The following SGCZ variants were observed in gnomAD, a reference collection of about 807,000 sequenced individuals.
SGCZ encodes sarcoglycan zeta.
SGCZ carries 40 observed loss-of-function variants against 41.3 expected under a neutral mutation model. That is an observed-to-expected ratio of 0.97 (90% CI 0.75 to 1.26). SGCZ has a LOEUF of 1.26. Among genes scored for constraint, SGCZ ranks in the 50% most tolerant of loss-of-function variants. The pLI is 0.00. For missense variants in SGCZ, 552 were observed against 369.8 expected (o/e 1.49, Z -4.04); for synonymous variants, 206 against 137.5 (o/e 1.50, Z -3.49).
At chr8:14,967,411 C>A (rs1801157722) in intron 1 of SGCZ, among the ~76,000 whole-genome samples, 1 of 152,124 alleles carries the variant, frequency 6.6e-6, no homozygotes, top group Non-Finnish European at 1.5e-5. Context: ...TTCATGCTCA[C>A]TCTACTTTTT....
intron 1 of SGCZ, among the ~76,000 whole-genome samples, chr8:15,178,798 G>C (rs529332433): frequency 8.2e-6 from 1 of 122,254 alleles, no homozygotes; most frequent in South Asian, 2.5e-4. Flanking sequence ...GAAGTGCAGG[G>C]AAGGAAAAAA....
At chr8:14,091,872 T>A (rs142257961) in intron 7 of SGCZ, among the ~76,000 whole-genome samples, 254 of 152,172 alleles carry the variant, frequency 1.7e-3, no homozygotes, top group African/African-American at 5.8e-3. Flanking sequence ...GGTGTGTTAG[T>A]CATGAAGTCT....
chr8:14,325,848 T>C (rs1273114292), intron 2 of SGCZ, among the ~76,000 whole-genome samples: 3 of 144,768 alleles, frequency 2.1e-5, no homozygotes, highest in Admixed American at 7.1e-5. Context: ...CGGTGGCTCA[T>C]GCCTGTAAAA....
At chr8:15,030,827 CAGA>C (rs1376230772) in intron 1 of SGCZ, among the ~76,000 whole-genome samples, 1 of 152,042 alleles carries the variant, frequency 6.6e-6, no homozygotes, top group East Asian at 1.9e-4. Flanking sequence ...CAGGGCTTCC[CAGA>C]AGAAGGGCTA....
intron 1 of SGCZ, among the ~76,000 whole-genome samples, chr8:14,756,770 A>T (rs1799682997): frequency 6.6e-6 from 1 of 152,202 alleles, no homozygotes; most frequent in Admixed American, 6.5e-5. Context: ...AGACATTATT[A>T]ATACAATTGT....
intron 2 of SGCZ, among the ~76,000 whole-genome samples, chr8:14,390,576 T>A (rs577854274): frequency 2.0e-5 from 3 of 152,016 alleles, no homozygotes; most frequent in Middle Eastern, 3.4e-3. Context: ...AAAATTTTTT[T>A]AAAAACAATA....
At chr8:14,988,098 G>T (rs1378208626) in intron 1 of SGCZ, among the ~76,000 whole-genome samples, 1 of 151,980 alleles carries the variant, frequency 6.6e-6, no homozygotes, top group Non-Finnish European at 1.5e-5. Context: ...TTCCAGGAGT[G>T]AAATGGTGAT....
At chr8:14,455,715 G>C (rs1271754398) in intron 2 of SGCZ, among the ~76,000 whole-genome samples, 2 of 152,170 alleles carry the variant, frequency 1.3e-5, no homozygotes, top group Non-Finnish European at 1.5e-5. Flanking sequence ...CCATACTTAG[G>C]AAAGTGGTTG....
intron 1 of SGCZ, among the ~76,000 whole-genome samples, chr8:15,022,821 T>C (rs755987446): frequency 6.6e-6 from 1 of 152,240 alleles, no homozygotes; most frequent in African/African-American, 2.4e-5. Context: ...TACTTGACAT[T>C]CAAATAGTCT....
At chr8:15,061,024 T>G (rs1314353252) in intron 1 of SGCZ, among the ~76,000 whole-genome samples, 1 of 152,138 alleles carries the variant, frequency 6.6e-6, no homozygotes, top group African/African-American at 2.4e-5. Flanking sequence ...TGGGATTTCT[T>G]CCACACATTT....
At chr8:15,191,689 G>A (rs868497470) in intron 1 of SGCZ, among the ~76,000 whole-genome samples, 28 of 151,914 alleles carry the variant, frequency 1.8e-4, no homozygotes, top group Admixed American at 4.6e-4. Flanking sequence ...TTCCTCATAC[G>A]AGCTTCAGCT....
At chr8:14,706,581 G>T (rs183306436) in intron 1 of SGCZ, among the ~76,000 whole-genome samples, 21 of 152,176 alleles carry the variant, frequency 1.4e-4, no homozygotes, top group Non-Finnish European at 8.8e-5. Flanking sequence ...GTAATTCTAA[G>T]TTGGAATTTG....
chr8:14,165,710 G>T (rs1804188245), intron 4 of SGCZ, among the ~76,000 whole-genome samples: 1 of 152,050 alleles, frequency 6.6e-6, no homozygotes, highest in South Asian at 2.1e-4. Context: ...CACATGTGGG[G>T]CATAGTTCTT....
chr8:14,247,107 G>C lies in SGCZ; in HGVS notation c.337-9428C>G, dbSNP rs144135641. On this transcript the variant is annotated intron_variant, in intron 3 of 7. Transcript: ENST00000382080. ...AACTTGAATGTGAAGTAATGCAGAA[G>C]AGAGATATTATCTATGTATCAATCA... 6.4e-3 allele frequency among the ~76,000 whole-genome samples: 978 copies of C among 152,188 alleles called. 4 individuals are homozygous for C. The highest frequency in any genetic ancestry group is 1.0e-2 in the Non-Finnish European group (678 of 68,000).
intron 2 of SGCZ, among the ~76,000 whole-genome samples, chr8:14,424,167 G>C (rs901311830): frequency 1.5e-4 from 23 of 152,234 alleles, no homozygotes; most frequent in African/African-American, 5.1e-4. Context: ...TTACAAAGTT[G>C]AGAAAAATAA....
intron 3 of SGCZ, among the ~76,000 whole-genome samples, chr8:14,287,086 T>C (rs1198675469): frequency 6.6e-6 from 1 of 151,968 alleles, no homozygotes; most frequent in Non-Finnish European, 1.5e-5. Flanking sequence ...TACAAATACA[T>C]AAGTAATTGT....
intron 5 of SGCZ, among the ~76,000 whole-genome samples, chr8:14,119,949 C>A (rs1438993852): frequency 2.0e-5 from 3 of 152,046 alleles, no homozygotes; most frequent in Non-Finnish European, 4.4e-5. Context: ...TGATGTGCTG[C>A]TAGATTCAGT....
At chr8:14,965,341 C>T (rs1012409363) in intron 1 of SGCZ, among the ~76,000 whole-genome samples, 2 of 152,112 alleles carry the variant, frequency 1.3e-5, no homozygotes, top group Non-Finnish European at 2.9e-5. Context: ...AGAGCTACAT[C>T]CCATTTTTGA....
At chr8:14,135,301 T>C (rs1803162637) in intron 5 of SGCZ, among the ~76,000 whole-genome samples, 1 of 152,256 alleles carries the variant, frequency 6.6e-6, no homozygotes, top group African/African-American at 2.4e-5. Context: ...TCACTATCTC[T>C]TCCTTTCTTC....
Sources: allele counts gnomAD v4.1 joint callset (sites outside exome capture counted in the v4.1 genomes callset), GRCh38; gene constraint gnomAD v4.1.1; transcripts MANE v1.5; gene names NCBI Gene and HGNC (gene_info 2026-07-23, HGNC 2026-07-21).